The following ZFR variants were observed in gnomAD, a reference collection of about 807,000 sequenced individuals.
ZFR encodes zinc finger RNA-binding protein.
ZFR carries 19 observed loss-of-function variants against 130.7 expected under a neutral mutation model. The ratio of observed to expected loss-of-function variants is 0.15; its 90% CI spans 0.10 to 0.21. The LOEUF is 0.21. Ranked by LOEUF, ZFR falls within the 10% of genes least tolerant of loss-of-function variation. The probability of loss-of-function intolerance (pLI) is 1.00; values close to 1 mark genes in which losing one functional copy is unlikely to be tolerated. For missense variants in ZFR, 872 were observed against 1,321.5 expected (o/e 0.66, Z 5.27); for synonymous variants, 466 against 456.9 (o/e 1.02, Z -0.25).
intron 19 of ZFR, among the ~76,000 whole-genome samples, chr5:32,358,905 T>C (rs555043962): frequency 2.6e-5 from 4 of 152,226 alleles, no homozygotes; most frequent in Admixed American, 2.6e-4. Flanking sequence ...TTTCTTTTAT[T>C]AAAATTTATT....
At chr5:32,360,114 C>A (rs532981009) in intron 19 of ZFR, among the ~76,000 whole-genome samples, 54 of 152,226 alleles carry the variant, frequency 3.5e-4, no homozygotes, top group African/African-American at 1.3e-3. Flanking sequence ...TCTATCCCTC[C>A]ATTTCTAGGG....
intron 8 of ZFR, among the ~76,000 whole-genome samples, chr5:32,401,044 A>G (rs542063861): frequency 5.9e-5 from 9 of 152,366 alleles, no homozygotes; most frequent in African/African-American, 2.2e-4. Flanking sequence ...TTATTGTTCT[A>G]AACTGAAAGT....
At chr5:32,436,804 A>C (rs931545577) in intron 2 of ZFR, among the ~76,000 whole-genome samples, 4 of 152,230 alleles carry the variant, frequency 2.6e-5, no homozygotes, top group Non-Finnish European at 2.9e-5. Flanking sequence ...CCTCGAAACA[A>C]CACAATGGAG....
At chr5:32,440,026 G>GT (rs1363777040) in intron 2 of ZFR, among the ~76,000 whole-genome samples, 3 of 152,166 alleles carry the variant, frequency 2.0e-5, no homozygotes, top group East Asian at 1.9e-4. Flanking sequence ...CTATTAGGAA[G>GT]TTTTTTCTAC....
At chr5:32,382,980 T>C (rs1752964939) in intron 15 of ZFR, among the ~76,000 whole-genome samples, 1 of 152,212 alleles carries the variant, frequency 6.6e-6, no homozygotes, top group Admixed American at 6.5e-5. Context: ...TCTTATTCTA[T>C]GTGAATGTAT....
At chr5:32,365,332 C>T (rs979544198) in intron 17 of ZFR, among the ~76,000 whole-genome samples, 3 of 151,998 alleles carry the variant, frequency 2.0e-5, no homozygotes, top group Non-Finnish European at 4.4e-5. Flanking sequence ...GTAAAAACTG[C>T]GTCAACCTAT....
chr5:32,428,895 T>C (rs113940562), intron 2 of ZFR, among the ~76,000 whole-genome samples: 2,844 of 151,966 alleles, frequency 0.019, 83 homozygotes, highest in African/African-American at 0.066. Context: ...CATGGAAGAA[T>C]TGGAAAGCAA....
intron 9 of ZFR, among the ~76,000 whole-genome samples, chr5:32,399,699 A>T (rs1753400172): frequency 6.6e-6 from 1 of 152,250 alleles, no homozygotes; most frequent in Non-Finnish European, 1.5e-5. Context: ...CAGAACTTTT[A>T]AAGTTTTATG....
intron 19 of ZFR, among the ~76,000 whole-genome samples, chr5:32,356,258 G>A (rs933302063): frequency 6.6e-6 from 1 of 152,112 alleles, no homozygotes; most frequent in African/African-American, 2.4e-5. Context: ...AAGAAAAATG[G>A]GAGCTACCTG....
At chr5:32,363,842 G>T in intron 19 of ZFR, 106 bp downstream of exon 19, 2 of 916,620 alleles carry the variant, frequency 2.2e-6, no homozygotes, top group Non-Finnish European at 3.2e-6. Flanking sequence ...AGAAGCAGAA[G>T]AACGAATATT....
chr5:32,425,596 C>T (rs972421456), intron 2 of ZFR, among the ~76,000 whole-genome samples: 2 of 152,188 alleles, frequency 1.3e-5, no homozygotes, highest in Admixed American at 6.5e-5. Flanking sequence ...GGCACAATCT[C>T]GGCTCACTGC....
At position 32,385,577 on chromosome 5, in the gene ZFR, C is replaced by T. The variant is rs1429746049; in HGVS notation, c.2572G>A (p.Glu858Lys). The stretch of plus-strand genomic sequence containing the variant: ...GTGATAGTGACTTGCATTTTGGGTT[C>T]CACACATGAATTCAAAATTATTGCC... ...EAAIILNSCV[E>K]PKMQVTITLT... The change falls in exon 15 of 20, where the codon GAA (glutamate) becomes AAA (lysine). Residue 858 changes from glutamate to lysine, a missense_variant. Glu to Lys is a moderately conservative substitution (Grantham distance 56, BLOSUM62 1). Coordinates refer to ENST00000265069, the MANE Select transcript of ZFR (RefSeq NM_016107.5). 3.1e-6 allele frequency: 5 copies of T among 1,613,352 alleles called. No individual in the cohort carries two copies. The African/African-American group carries it at 6.7e-5, about 22-fold the overall frequency.
At chr5:32,372,336 C>T (rs892452760) in intron 17 of ZFR, among the ~76,000 whole-genome samples, 2 of 152,084 alleles carry the variant, frequency 1.3e-5, no homozygotes, top group African/African-American at 4.8e-5. Context: ...AATGTAGGTT[C>T]ATTAATTGTA....
In ZFR at chr5:32,440,819, A is replaced by C. The variant is rs77200119; in HGVS notation, c.137+3410T>G. Among the ~76,000 whole-genome samples the C allele has an allele frequency of 1.5e-3, 233 of 152,334 alleles. 2 individuals carry two copies. The highest frequency in any genetic ancestry group is 3.3e-3 in the Admixed American group (50 of 15,298). Reference sequence around the variant, plus strand: ...AGTTACTAGTAGCCATACTTGACAAATTCATTATTACAGGTCTTTACATCT... The same window carrying C: ...AGTTACTAGTAGCCATACTTGACAACTTCATTATTACAGGTCTTTACATCT... On this transcript the variant is annotated intron_variant, in intron 2 of 19. Transcript: ENST00000265069.
chr5:32,419,629 C>T (rs1753908430), intron 3 of ZFR, among the ~76,000 whole-genome samples, 192 bp downstream of exon 3: 1 of 152,184 alleles, frequency 6.6e-6, no homozygotes, highest in Non-Finnish European at 1.5e-5. Flanking sequence ...TGAGCCACCG[C>T]GCCCAGCCGG....
intron 19 of ZFR, among the ~76,000 whole-genome samples, chr5:32,359,947 GAAAAAA>G (rs763208305): frequency 1.6e-5 from 2 of 123,946 alleles, no homozygotes; most frequent in African/African-American, 6.0e-5. Context: ...CCGTCTTAAG[GAAAAAA>G]AAAAAAAAAG....
intron 17 of ZFR, among the ~76,000 whole-genome samples, chr5:32,368,783 T>C (rs1296344399): frequency 1.3e-5 from 2 of 152,234 alleles, no homozygotes; most frequent in African/African-American, 2.4e-5. Flanking sequence ...TCTTCACATA[T>C]ATTAACCAAT....
intron 19 of ZFR, among the ~76,000 whole-genome samples, chr5:32,362,557 C>A (rs913844202): frequency 2.6e-5 from 4 of 152,148 alleles, no homozygotes; most frequent in Non-Finnish European, 5.9e-5. Context: ...ATCACACATG[C>A]CGCCTTATGT....
chr5:32,370,089 AT>A (rs933446377), intron 17 of ZFR, among the ~76,000 whole-genome samples: 5,067 of 121,890 alleles, frequency 0.042, 144 homozygotes, highest in African/African-American at 0.12. Flanking sequence ...ACAGTGGCAG[AT>A]TTTTTTTTTT....
Sources: gnomAD v4.1 joint callset for allele counts (sites outside exome capture counted in the v4.1 genomes callset) on GRCh38, gnomAD v4.1.1 for gene constraint, MANE v1.5 for transcripts, NCBI Gene and HGNC (gene_info 2026-07-23, HGNC 2026-07-21) for gene names.